The following PRELID2 variants were observed in gnomAD, a reference collection of about 807,000 sequenced individuals.
The protein encoded by PRELID2 is PRELI domain containing 2.
Under a neutral mutation model 28.4 loss-of-function variants are expected in PRELID2, and 25 were observed. That is an observed-to-expected ratio of 0.88 (90% CI 0.64 to 1.23). The LOEUF is 1.23. Ranked by LOEUF, PRELID2 falls within the 50% of genes most tolerant of loss-of-function variation. PRELID2 has a pLI of 0.00. For missense variants in PRELID2, 201 were observed against 214.4 expected, an observed-to-expected ratio of 0.94 and a Z score of 0.39; for synonymous variants, 76 against 71.6, an observed-to-expected ratio of 1.06 and a Z score of -0.31.
the PRELID2 span, among the ~76,000 whole-genome samples, chr5:145,246,346 A>G: frequency 6.6e-6 from 1 of 152,114 alleles, no homozygotes; most frequent in Non-Finnish European, 1.5e-5. Context: ...CCGGGGATAT[A>G]ATAGTGAATC....
chr5:145,338,592 G>A, the PRELID2 span, among the ~76,000 whole-genome samples: 2 of 152,142 alleles, frequency 1.3e-5, no homozygotes, highest in African/African-American at 4.8e-5. Context: ...TATTTAATAT[G>A]GCATCACCTG....
At chr5:145,395,922 A>C in the PRELID2 span, among the ~76,000 whole-genome samples, 1 of 152,152 alleles carries the variant, frequency 6.6e-6, no homozygotes, top group African/African-American at 2.4e-5. Flanking sequence ...CTAGCTTATC[A>C]ATCTTTGCCA....
chr5:145,303,982 G>C, the PRELID2 span, among the ~76,000 whole-genome samples: 1 of 152,090 alleles, frequency 6.6e-6, no homozygotes, highest in Admixed American at 6.6e-5. Context: ...ATGGTATCCT[G>C]CTTTATTTTT....
intron 1 of PRELID2, among the ~76,000 whole-genome samples, chr5:145,654,598 G>T (rs934736346): frequency 8.5e-5 from 13 of 152,094 alleles, no homozygotes; most frequent in Admixed American, 1.3e-4. Context: ...TTCAACATAC[G>T]CAAATCAATA....
intron 5 of PRELID2, among the ~76,000 whole-genome samples, chr5:145,781,820 G>T (rs1751651320): frequency 6.8e-6 from 1 of 147,550 alleles, no homozygotes; most frequent in Non-Finnish European, 1.5e-5. Context: ...ATTTGTTTTT[G>T]GTATTTCAAT....
At chr5:145,547,591 TA>T (rs200089950) in intron 1 of PRELID2, among the ~76,000 whole-genome samples, 13 of 148,146 alleles carry the variant, frequency 8.8e-5, no homozygotes, top group South Asian at 2.1e-4. Context: ...TTGAACTAAC[TA>T]AAAAAAAAAG....
At position 145,566,527 on chromosome 5, in the gene PRELID2, T is replaced by G. The variant is rs115896228; in HGVS notation, n.71-93212A>C. 7.9e-3 allele frequency among the ~76,000 whole-genome samples: 1,205 copies of G among 152,056 alleles called. 18 individuals carry two copies. The highest frequency in any genetic ancestry group is 0.028 in the African/African-American group (1,156 of 41,492). ...GGAGGAAGAAAAGATACAAGGAGAA[T>G]AATCTGTAAAGGTAAAGAAAAAGTG... On this transcript the variant is annotated intron_variant and non_coding_transcript_variant, in intron 1 of 2. Coordinates refer to the PRELID2 transcript ENST00000510259.
intron 1 of PRELID2, among the ~76,000 whole-genome samples, chr5:145,626,372 G>C (rs73311599): frequency 0.058 from 8,773 of 151,972 alleles, 802 homozygotes; most frequent in African/African-American, 0.2. Context: ...GGGCAAAGAA[G>C]AGCTGTTTTT....
At chr5:145,401,757 T>C in the PRELID2 span, among the ~76,000 whole-genome samples, 3 of 150,588 alleles carry the variant, frequency 2.0e-5, no homozygotes, top group African/African-American at 7.5e-5. Flanking sequence ...TTGTTATGTA[T>C]GTGTTTGATT....
At chr5:145,307,164 C>T in the PRELID2 span, among the ~76,000 whole-genome samples, 1 of 152,176 alleles carries the variant, frequency 6.6e-6, no homozygotes. Flanking sequence ...TGGCCTAAGG[C>T]ATGCCATTTC....
At chr5:145,593,927 T>A (rs527587249) in intron 1 of PRELID2, among the ~76,000 whole-genome samples, 14 of 152,188 alleles carry the variant, frequency 9.2e-5, no homozygotes, top group Non-Finnish European at 1.8e-4. Flanking sequence ...ACACTAATGA[T>A]ATTAAGAAAT....
the PRELID2 span, among the ~76,000 whole-genome samples, chr5:145,301,887 T>C: frequency 4.6e-5 from 7 of 151,796 alleles, no homozygotes. Flanking sequence ...TTTTTATTAA[T>C]TCTTGAAAGC....
At chr5:145,732,721 T>C (rs1047847260) in intron 1 of PRELID2, among the ~76,000 whole-genome samples, 1 of 152,230 alleles carries the variant, frequency 6.6e-6, no homozygotes, top group African/African-American at 2.4e-5. Flanking sequence ...GTAGATGAAA[T>C]GTTGAGTATG....
At chr5:145,591,676 A>C (rs1580988726) in intron 1 of PRELID2, among the ~76,000 whole-genome samples, 1 of 152,332 alleles carries the variant, frequency 6.6e-6, no homozygotes. Flanking sequence ...ACACTAAATC[A>C]AAGCTGCCAT....
At chr5:145,390,477 A>G in the PRELID2 span, among the ~76,000 whole-genome samples, 8 of 152,198 alleles carry the variant, frequency 5.3e-5, no homozygotes, top group Non-Finnish European at 1.2e-4. Context: ...AGCCCCTTAT[A>G]AAACCATCAG....
chr5:145,679,182 G>A (rs1470260135), intron 1 of PRELID2, among the ~76,000 whole-genome samples: 1 of 151,898 alleles, frequency 6.6e-6, no homozygotes, highest in African/African-American at 2.4e-5. Flanking sequence ...TCTATCTTTG[G>A]TTCCCAGAAC....
At chr5:145,684,718 C>T (rs1234421549) in intron 1 of PRELID2, among the ~76,000 whole-genome samples, 3 of 152,162 alleles carry the variant, frequency 2.0e-5, no homozygotes, top group Admixed American at 6.6e-5. Flanking sequence ...CCACCATTAT[C>T]ATCCTGTGGC....
At chr5:145,740,925 G>GATAAATATATATGTACATATATTTATCT (rs1561567042) in intron 1 of PRELID2, among the ~76,000 whole-genome samples, 818 of 79,898 alleles carry the variant, frequency 0.01, 127 homozygotes, top group African/African-American at 0.04. Flanking sequence ...TATATTTATC[G>GATAAATATATATGTACATATATTTATCT]ATAAATATAT....
intron 1 of PRELID2, among the ~76,000 whole-genome samples, chr5:145,534,634 C>T (rs932015973): frequency 6.6e-6 from 1 of 152,126 alleles, no homozygotes; most frequent in African/African-American, 2.4e-5. Context: ...AAGTAATTAA[C>T]TCAGTCAACC....
Sources: allele counts gnomAD v4.1 joint callset (sites outside exome capture counted in the v4.1 genomes callset), GRCh38; gene constraint gnomAD v4.1.1; transcripts MANE v1.5; gene names NCBI Gene and HGNC (gene_info 2026-07-23, HGNC 2026-07-21).